KCNC2: variants seen among roughly 807,000 people sequenced by gnomAD.
The protein encoded by KCNC2 is potassium voltage-gated channel subfamily C member 2.
In KCNC2, 21 loss-of-function variants were observed where a neutral mutation model predicts 44.5. The ratio of observed to expected loss-of-function variants is 0.47; its 90% confidence interval spans 0.33 to 0.68. KCNC2 has a LOEUF of 0.68. Among genes scored for constraint, KCNC2 ranks in the 30% least tolerant of loss-of-function variants. The pLI is 0.01. For missense variants in KCNC2, 589 were observed against 826.2 expected (o/e 0.71, Z 3.52); for synonymous variants, 391 against 339.1 (o/e 1.15, Z -1.68).
chr12:75,195,597 T>A (rs2030689764), intron 2 of KCNC2, among the ~76,000 whole-genome samples: 1 of 152,042 alleles, frequency 6.6e-6, no homozygotes, highest in Non-Finnish European at 1.5e-5. Flanking sequence ...TGTGTCCACT[T>A]TACCATTTTA....
intron 2 of KCNC2, among the ~76,000 whole-genome samples, chr12:75,078,621 C>T (rs561017966): frequency 5.9e-5 from 9 of 152,218 alleles, no homozygotes; most frequent in African/African-American, 1.9e-4. Context: ...GTGTCTACTA[C>T]TCTTTTCTTC....
chr12:75,184,411 A>G (rs776126990), intron 2 of KCNC2, among the ~76,000 whole-genome samples: 13 of 152,198 alleles, frequency 8.5e-5, no homozygotes, highest in Non-Finnish European at 1.3e-4. Context: ...ACTTAAGCTA[A>G]TACACTGAAT....
intron 2 of KCNC2, among the ~76,000 whole-genome samples, chr12:75,197,863 A>T (rs1318240722): frequency 6.6e-6 from 1 of 151,976 alleles, no homozygotes; most frequent in Non-Finnish European, 1.5e-5. Context: ...AACTGCACTT[A>T]CATCTAAAAA....
intron 2 of KCNC2, among the ~76,000 whole-genome samples, chr12:75,071,562 C>A (rs969259882): frequency 2.6e-5 from 4 of 152,048 alleles, no homozygotes; most frequent in African/African-American, 9.7e-5. Flanking sequence ...TAAAACTGTA[C>A]CCCACCCAAT....
intron 2 of KCNC2, chr12:75,123,941 T>C (rs1468752655): frequency 6.6e-6 from 1 of 152,180 alleles, no homozygotes; most frequent in Non-Finnish European, 1.5e-5. Flanking sequence ...ATTTCTAAAA[T>C]CTTATATGTT....
chr12:75,099,650 A>T (rs1886216366), intron 2 of KCNC2, among the ~76,000 whole-genome samples: 1 of 152,214 alleles, frequency 6.6e-6, no homozygotes, highest in African/African-American at 2.4e-5. Flanking sequence ...ATGATCAATC[A>T]TTTGAGGGAA....
chr12:75,049,687 C>A (rs192885847), intron 3 of KCNC2, among the ~76,000 whole-genome samples: 19 of 152,196 alleles, frequency 1.2e-4, no homozygotes, highest in Non-Finnish European at 2.1e-4. Context: ...AGAAATTCAA[C>A]TTTGCCATTG....
At chr12:75,070,959 T>G (rs1301877819) in intron 2 of KCNC2, among the ~76,000 whole-genome samples, 1 of 152,202 alleles carries the variant, frequency 6.6e-6, no homozygotes, top group Non-Finnish European at 1.5e-5. Flanking sequence ...ATTTTTCACA[T>G]TAAATCTTTT....
At chr12:75,203,694 G>T (rs1335364005) in intron 2 of KCNC2, among the ~76,000 whole-genome samples, 1 of 151,786 alleles carries the variant, frequency 6.6e-6, no homozygotes, top group Non-Finnish European at 1.5e-5. Flanking sequence ...CCAAGGAAGA[G>T]CCAACATTCT....
chr12:75,096,791 TAGCTTGTAATCAAGC>T (rs1422213555), intron 2 of KCNC2, among the ~76,000 whole-genome samples: 1 of 152,056 alleles, frequency 6.6e-6, no homozygotes, highest in African/African-American at 2.4e-5. Flanking sequence ...TAAGACAGAA[TAGCTTGTAATCAAGC>T]AGGTCATAAG....
At chr12:75,071,320 T>C (rs997170585) in intron 2 of KCNC2, among the ~76,000 whole-genome samples, 1 of 152,160 alleles carries the variant, frequency 6.6e-6, no homozygotes, top group African/African-American at 2.4e-5. Flanking sequence ...AAATCTTATG[T>C]TTCATCTCTC....
At chr12:75,196,781 T>C (rs2030805383) in intron 2 of KCNC2, among the ~76,000 whole-genome samples, 1 of 147,134 alleles carries the variant, frequency 6.8e-6, no homozygotes, top group African/African-American at 2.5e-5. Context: ...ACTCCTTGAC[T>C]AAGAAGACAT....
chr12:75,152,269 T>TA lies in KCNC2; in HGVS notation c.687+55027dup, dbSNP rs527665744. On this transcript the variant is annotated intron_variant, in intron 2 of 4. Coordinates refer to ENST00000549446, the MANE Select transcript of KCNC2 (RefSeq NM_139137.4). ...AAATACATACGTAAACATATCATAG[T>TA]AAAAAAAAAGAGTATCAAAATGAAT... is the stretch of plus-strand genomic sequence containing the variant. Among the ~76,000 whole-genome samples, 544 of 145,864 alleles carry TA rather than the reference T, an allele frequency of 3.7e-3. 4 individuals carry two copies. The highest frequency in any genetic ancestry group is 6.5e-3 in the Non-Finnish European group (432 of 66,054).
chr12:75,043,358 C>G, intron 4 of KCNC2, 117 bp from the exon 5 acceptor site: 1 of 1,437,714 alleles, frequency 7.0e-7, no homozygotes, highest in South Asian at 1.6e-5. Context: ...AATTTGTTTA[C>G]AAAGAATTTA....
At chr12:75,067,733 A>G (rs980941374) in intron 2 of KCNC2, among the ~76,000 whole-genome samples, 2 of 152,198 alleles carry the variant, frequency 1.3e-5, no homozygotes, top group Admixed American at 1.3e-4. Context: ...GAATGTGTTC[A>G]AGAGCAGTAG....
chr12:75,049,163 A>G (rs1880890915), intron 3 of KCNC2, among the ~76,000 whole-genome samples: 1 of 152,152 alleles, frequency 6.6e-6, no homozygotes, highest in Admixed American at 6.6e-5. Context: ...AAATAAGCAT[A>G]AGGACTGTGA....
intron 2 of KCNC2, among the ~76,000 whole-genome samples, chr12:75,184,048 G>GT (rs1383801074): frequency 6.6e-6 from 1 of 152,058 alleles, no homozygotes; most frequent in Non-Finnish European, 1.5e-5. Context: ...ATTCCCTACT[G>GT]TTTCTTCAAG....
chr12:75,043,630 G>A, intron 4 of KCNC2: 1 of 1,234,450 alleles, frequency 8.1e-7, no homozygotes, highest in Non-Finnish European at 1.0e-6. Context: ...GAAATAAGTA[G>A]GCTACTTTTT....
rs1402041849 is a variant in KCNC2, at chr12:75,050,637, C to T, written c.1368G>A (p.Leu456=). The change falls in exon 3 of 5, where the codon CTG becomes CTA. Residue 456 remains leucine, a synonymous_variant. Transcript: ENST00000549446. ...TTGTCAGCACTCCAGCCAGAGCACACAGGGCTCCCACCAGCATGCCTGACC... is the reference window on the plus strand; with the variant it reads ...TTGTCAGCACTCCAGCCAGAGCACATAGGGCTCCCACCAGCATGCCTGACC... The part of the protein sequence containing the change: ...QTWSGMLVGA[L]CALAGVLTIA... 6.2e-7 allele frequency: 1 copy of T among 1,613,286 alleles called. No homozygotes were observed. Among genetic ancestry groups the T allele is most frequent in the African/African-American group, 1.3e-5 (1 of 74,960 alleles).
Sources: gnomAD v4.1 joint callset for allele counts (sites outside exome capture counted in the v4.1 genomes callset) on GRCh38, gnomAD v4.1.1 for gene constraint, MANE v1.5 for transcripts, NCBI Gene and HGNC (gene_info 2026-07-23, HGNC 2026-07-21) for gene names.